NRG3: variants seen among roughly 807,000 people sequenced by gnomAD.
NRG3 encodes neuregulin 3, also known as pro-neuregulin-3, membrane-bound isoform.
A neutral mutation model predicts 66.9 loss-of-function variants in NRG3; 31 were observed. The observed-to-expected ratio is 0.46, with a 90% CI of 0.35 to 0.63. The LOEUF is 0.63. NRG3 is among the 20% of genes least tolerant of loss of function. NRG3 has a pLI of 0.00. For missense variants in NRG3, 910 were observed against 878.9 expected, an observed-to-expected ratio of 1.04 and a Z score of -0.45; for synonymous variants, 393 against 359.4, an observed-to-expected ratio of 1.09 and a Z score of -1.06.
intron 3 of NRG3, among the ~76,000 whole-genome samples, chr10:82,747,013 C>T (rs951000231): frequency 6.6e-6 from 1 of 152,006 alleles, no homozygotes; most frequent in African/African-American, 2.4e-5. Flanking sequence ...AGCTCAGGAG[C>T]TCGAGGCTGC....
intron 3 of NRG3, among the ~76,000 whole-genome samples, chr10:82,854,940 G>A (rs2063733749): frequency 6.6e-6 from 1 of 152,122 alleles, no homozygotes; most frequent in African/African-American, 2.4e-5. Flanking sequence ...AATATCTTGG[G>A]CAGTTGGTCC....
intron 2 of NRG3, among the ~76,000 whole-genome samples, chr10:82,484,932 A>G (rs1223439604): frequency 6.6e-6 from 1 of 152,194 alleles, no homozygotes; most frequent in African/African-American, 2.4e-5. Context: ...TTTCCAGAAT[A>G]CTCACTACTA....
intron 2 of NRG3, among the ~76,000 whole-genome samples, chr10:82,734,696 A>G (rs992342795): frequency 6.6e-6 from 1 of 152,118 alleles, no homozygotes; most frequent in African/African-American, 2.4e-5. Flanking sequence ...TGGAAAAGAA[A>G]CAAAACAAAT....
chr10:82,292,102 T>A (rs1331254117), intron 1 of NRG3, among the ~76,000 whole-genome samples: 1 of 152,102 alleles, frequency 6.6e-6, no homozygotes, highest in Non-Finnish European at 1.5e-5. Flanking sequence ...TTAGAATATA[T>A]AACACAGTCT....
intron 4 of NRG3, among the ~76,000 whole-genome samples, chr10:82,872,442 G>A (rs536822860): frequency 1.1e-4 from 17 of 152,194 alleles, no homozygotes; most frequent in African/African-American, 3.9e-4. Context: ...TCAATGACCA[G>A]CTCTATTAGT....
At position 82,973,757 on chromosome 10, in the gene NRG3, G is replaced by A. The variant is rs200356559; in HGVS notation, c.1285-31G>A. On this transcript the variant is annotated intron_variant, in intron 6 of 8. Coordinates refer to ENST00000372141, the MANE Select transcript of NRG3 (RefSeq NM_001010848.4). ...ATAGGCCCTCCATAATGTATCCTTCGTCTCAACTCTGTACGTGTGATTTCC... is the reference window on the plus strand; with the variant it reads ...ATAGGCCCTCCATAATGTATCCTTCATCTCAACTCTGTACGTGTGATTTCC... The A allele has an allele frequency of 2.8e-4, 447 of 1,613,126 alleles. No homozygotes were observed. In the African/African-American group the frequency reaches 2.9e-3, roughly 11 times the overall value.
At chr10:81,998,662 TGATA>T (rs1347920008) in intron 1 of NRG3, among the ~76,000 whole-genome samples, 1 of 152,258 alleles carries the variant, frequency 6.6e-6, no homozygotes, top group Admixed American at 6.5e-5. Context: ...ACAACGTGTG[TGATA>T]GATAGAGGAC....
Position 81,943,243 on chromosome 10 carries a change from T to G in NRG3, c.823+67080T>G, listed in dbSNP as rs182675987. ...CAAACATGAAAAAAATAGCCAGGTA[T>G]GGTGACACATGTCTGTAGTTTCAGT... On this transcript the variant is annotated intron_variant, in intron 1 of 8. Transcript: ENST00000372141. Among the ~76,000 whole-genome samples the G allele has an allele frequency of 3.1e-3, 469 of 152,160 alleles. 10 individuals are homozygous for G. Among genetic ancestry groups the G allele is most frequent in the Admixed American group, 0.027 (411 of 15,244 alleles).
intron 2 of NRG3, among the ~76,000 whole-genome samples, chr10:82,433,469 T>C (rs1243794739): frequency 1.3e-5 from 2 of 152,204 alleles, no homozygotes; most frequent in Non-Finnish European, 1.5e-5. Context: ...TTTTAGTTAA[T>C]TAGATCCCAT....
At chr10:82,184,696 G>T (rs578038025) in intron 1 of NRG3, among the ~76,000 whole-genome samples, 1 of 152,226 alleles carries the variant, frequency 6.6e-6, no homozygotes, top group South Asian at 2.1e-4. Flanking sequence ...CGAAGAATGT[G>T]TTACTTTGGA....
chr10:82,322,549 A>T (rs11193698), intron 1 of NRG3, among the ~76,000 whole-genome samples: 17,019 of 142,478 alleles, frequency 0.12, 1,989 homozygotes, highest in African/African-American at 0.32. Flanking sequence ...TTTTTTTTTT[A>T]AAATTTTGCT....
At chr10:82,349,700 T>C (rs2083291308) in intron 1 of NRG3, among the ~76,000 whole-genome samples, 2 of 152,042 alleles carry the variant, frequency 1.3e-5, no homozygotes, top group South Asian at 4.2e-4. Context: ...CAGACTGCTG[T>C]GCTAGCAATC....
intron 4 of NRG3, among the ~76,000 whole-genome samples, chr10:82,892,759 C>T (rs1012317252): frequency 1.9e-4 from 29 of 151,708 alleles, no homozygotes; most frequent in Non-Finnish European, 3.8e-4. Flanking sequence ...GACATATGCA[C>T]ATACATACCA....
chr10:82,920,459 G>A (rs1846317683), intron 4 of NRG3, among the ~76,000 whole-genome samples: 1 of 152,030 alleles, frequency 6.6e-6, no homozygotes, highest in Non-Finnish European at 1.5e-5. Flanking sequence ...TTTACATATG[G>A]AAACATTTAT....
intron 3 of NRG3, among the ~76,000 whole-genome samples, chr10:82,774,931 T>A (rs2059854089): frequency 6.6e-6 from 1 of 150,872 alleles, no homozygotes; most frequent in African/African-American, 2.4e-5. Context: ...CAAGCGATTC[T>A]TGTGCATGCC....
At chr10:82,747,569 C>T (rs2054539982) in intron 3 of NRG3, among the ~76,000 whole-genome samples, 1 of 151,832 alleles carries the variant, frequency 6.6e-6, no homozygotes, top group African/African-American at 2.4e-5. Flanking sequence ...TATATTGTAC[C>T]TTGATTGCCA....
Position 82,233,761 on chromosome 10 carries a change from T to C in NRG3, c.824-124978T>C, listed in dbSNP as rs76960201. ...AACCAGGAGGTCAAACCAGAAACCA[T>C]TGGCTTCTTTAATTCCATTACTCTT... On this transcript the variant is annotated intron_variant, in intron 1 of 8. Coordinates refer to ENST00000372141, the MANE Select transcript of NRG3 (RefSeq NM_001010848.4). 9.4e-3 allele frequency among the ~76,000 whole-genome samples: 1,435 copies of C among 152,244 alleles called. 19 individuals carry two copies. The highest frequency in any genetic ancestry group is 0.033 in the African/African-American group (1,352 of 41,552).
At chr10:82,838,320 G>A (rs1031977327) in intron 3 of NRG3, among the ~76,000 whole-genome samples, 4 of 152,086 alleles carry the variant, frequency 2.6e-5, no homozygotes, top group Non-Finnish European at 4.4e-5. Context: ...AGAAATGTCT[G>A]TGTATGTTAA....
chr10:82,719,207 G>A (rs941858675), intron 2 of NRG3, among the ~76,000 whole-genome samples: 1 of 152,180 alleles, frequency 6.6e-6, no homozygotes, highest in Non-Finnish European at 1.5e-5. Context: ...GTGGAGGTGT[G>A]TGTATTGGAA....
Sources: gnomAD v4.1 joint callset for allele counts (sites outside exome capture counted in the v4.1 genomes callset) on GRCh38, gnomAD v4.1.1 for gene constraint, MANE v1.5 for transcripts, NCBI Gene and HGNC (gene_info 2026-07-23, HGNC 2026-07-21) for gene names.